PCDH15: variants seen among roughly 807,000 people sequenced by gnomAD.
PCDH15 encodes the protein protocadherin related 15, also known as protocadherin-15.
A neutral mutation model predicts 178.5 loss-of-function variants in PCDH15; 129 were observed. The observed-to-expected ratio is 0.72, with a 90% CI of 0.63 to 0.84. The LOEUF (loss-of-function observed/expected upper bound fraction) is 0.84. Among genes scored for constraint, PCDH15 ranks in the 40% least tolerant of loss-of-function variants. PCDH15 has a pLI of 0.00. For missense variants in PCDH15, 2,230 were observed against 2,099.9 expected (o/e 1.06, Z -1.21); for synonymous variants, 800 against 732.0 (o/e 1.09, Z -1.50).
At chr10:54,420,836 T>G (rs1955172083) in intron 3 of PCDH15, among the ~76,000 whole-genome samples, 1 of 152,098 alleles carries the variant, frequency 6.6e-6, no homozygotes, top group Non-Finnish European at 1.5e-5. Flanking sequence ...TTTTTTCTAA[T>G]AAATATGATA....
rs369094901 is a variant in PCDH15, at chr10:54,856,948, T to C, written c.-29+40502A>G. 2.6e-5 allele frequency among the ~76,000 whole-genome samples: 4 copies of C among 152,082 alleles called. No homozygotes were observed. In the South Asian group the frequency reaches 8.3e-4, roughly 32 times the overall value. On this transcript the variant is annotated intron_variant, in intron 3 of 5. Transcript: ENST00000458638. ...TTACATATTCTCTTTAATTTTGTGC[T>C]GTTTTGTTTTTGTTTTTTTTACAGT... is the stretch of plus-strand genomic sequence containing the variant.
At chr10:54,975,172 T>C (rs972617730) in intron 2 of PCDH15, among the ~76,000 whole-genome samples, 1 of 152,210 alleles carries the variant, frequency 6.6e-6, no homozygotes, top group Non-Finnish European at 1.5e-5. Flanking sequence ...TGTTATCCCA[T>C]ATCTTGATTA....
chr10:54,770,121 G>T (rs899712156), intron 1 of PCDH15, among the ~76,000 whole-genome samples: 2 of 152,216 alleles, frequency 1.3e-5, no homozygotes, highest in South Asian at 4.1e-4. Flanking sequence ...CATTACTGAA[G>T]AAAGTTCTAT....
chr10:54,627,836 C>A lies in PCDH15; in HGVS notation c.91+36336G>T, dbSNP rs138016930. Among the ~76,000 whole-genome samples, 6 of 152,268 alleles carry A rather than the reference C, an allele frequency of 3.9e-5. No individual in the cohort carries two copies. In the East Asian group the frequency reaches 1.2e-3, roughly 30 times the overall value. The stretch of plus-strand genomic sequence containing the variant: ...GCACAAAATCATTTATGCTGAGAAT[C>A]TGCAGTTCTCACAGGCCAAGGTTAA... On this transcript the variant is annotated intron_variant, in intron 2 of 37. Transcript: ENST00000644397.
rs370968887 is a variant in PCDH15 at position 55,625,197 on chromosome 10, G to T, written c.-156+2428C>A. Among the ~76,000 whole-genome samples, 81 of 151,838 alleles carry T rather than the reference G, an allele frequency of 5.3e-4. No homozygotes were observed. In the East Asian group the frequency reaches 0.011, roughly 20 times the overall value. ...TGTCACCTCAGTATTAGTGCTTCCT[G>T]GTTTAAATCTCAAAGGGCCACCATC... On this transcript the variant is annotated intron_variant, in intron 2 of 5. Coordinates refer to the PCDH15 transcript ENST00000613346.
intron 2 of PCDH15, among the ~76,000 whole-genome samples, chr10:55,493,937 T>G (rs2132131044): frequency 6.6e-6 from 1 of 152,040 alleles, no homozygotes; most frequent in South Asian, 2.1e-4. Context: ...CATAAATCTA[T>G]ATTTTCTAGT....
At chr10:54,380,729 T>TAC (rs1554941856) in intron 3 of PCDH15, among the ~76,000 whole-genome samples, 3 of 115,072 alleles carry the variant, frequency 2.6e-5, no homozygotes, top group African/African-American at 7.5e-5. Context: ...TATATATATA[T>TAC]ATATATATAT....
chr10:55,474,022 C>G (rs1031363668), intron 2 of PCDH15, among the ~76,000 whole-genome samples: 1 of 152,008 alleles, frequency 6.6e-6, no homozygotes, highest in Non-Finnish European at 1.5e-5. Flanking sequence ...AGATATGTAA[C>G]CCAGCCTACT....
At chr10:54,697,808 AAAAAG>A (rs1402661736) in intron 1 of PCDH15, among the ~76,000 whole-genome samples, 1 of 151,946 alleles carries the variant, frequency 6.6e-6, no homozygotes, top group East Asian at 1.9e-4. Flanking sequence ...TGAAAAAAAG[AAAAAG>A]AAAAGAAAAA....
chr10:54,850,881 T>G (rs1953607285), intron 3 of PCDH15, among the ~76,000 whole-genome samples: 1 of 152,202 alleles, frequency 6.6e-6, no homozygotes, highest in Non-Finnish European at 1.5e-5. Flanking sequence ...GATGAAACAC[T>G]AAAATGTTGA....
chr10:55,498,407 A>G (rs1234873010), intron 2 of PCDH15, among the ~76,000 whole-genome samples: 1 of 151,880 alleles, frequency 6.6e-6, no homozygotes, highest in East Asian at 1.9e-4. Context: ...AAGCATCCAC[A>G]TTTTATAAAG....
At chr10:55,110,555 AG>A (rs1351873971) in intron 2 of PCDH15, among the ~76,000 whole-genome samples, 1 of 151,996 alleles carries the variant, frequency 6.6e-6, no homozygotes, top group African/African-American at 2.4e-5. Flanking sequence ...TTCAGTTGTT[AG>A]GTTAGTCTTC....
chr10:55,394,270 CTTTCT>C (rs907623098), intron 2 of PCDH15, among the ~76,000 whole-genome samples: 3 of 151,884 alleles, frequency 2.0e-5, no homozygotes, highest in Non-Finnish European at 2.9e-5. Flanking sequence ...TTTGGTCTCA[CTTTCT>C]TTTCTTCCCT....
chr10:53,877,510 C>G (rs1361058741), intron 26 of PCDH15, among the ~76,000 whole-genome samples: 1 of 152,048 alleles, frequency 6.6e-6, no homozygotes, highest in Non-Finnish European at 1.5e-5. Context: ...AGTTATACAT[C>G]CTAAATCCTT....
At chr10:54,521,916 C>T (rs1471515952) in intron 3 of PCDH15, among the ~76,000 whole-genome samples, 1 of 151,748 alleles carries the variant, frequency 6.6e-6, no homozygotes, top group African/African-American at 2.4e-5. Flanking sequence ...GGTGGAACCC[C>T]ATCTCTACTA....
At chr10:55,316,324 T>C (rs1329781564) in intron 1 of PCDH15, among the ~76,000 whole-genome samples, 1 of 152,146 alleles carries the variant, frequency 6.6e-6, no homozygotes, top group African/African-American at 2.4e-5. Flanking sequence ...CCTAGATTAA[T>C]AAATTATTTT....
chr10:54,676,769 T>C (rs994449729), intron 1 of PCDH15, among the ~76,000 whole-genome samples: 1 of 152,178 alleles, frequency 6.6e-6, no homozygotes, highest in African/African-American at 2.4e-5. Flanking sequence ...GATATTTATC[T>C]TATAAAAACA....
At chr10:54,368,683 A>T (rs1424090621) in intron 5 of PCDH15, among the ~76,000 whole-genome samples, 1 of 152,002 alleles carries the variant, frequency 6.6e-6, no homozygotes, top group Non-Finnish European at 1.5e-5. Context: ...GATATTTCAG[A>T]ACTTGATTTT....
At chr10:54,587,948 T>G (rs2091613785) in intron 2 of PCDH15, among the ~76,000 whole-genome samples, 1 of 152,186 alleles carries the variant, frequency 6.6e-6, no homozygotes, top group African/African-American at 2.4e-5. Flanking sequence ...GTTTTATAAT[T>G]TATTTATTTT....
Sources: allele counts gnomAD v4.1 joint callset (sites outside exome capture counted in the v4.1 genomes callset), GRCh38; gene constraint gnomAD v4.1.1; transcripts MANE v1.5; gene names NCBI Gene and HGNC (gene_info 2026-07-23, HGNC 2026-07-21).